The following ZNF423 variants were observed in gnomAD, a reference collection of about 807,000 sequenced individuals.
The protein encoded by ZNF423 is zinc finger protein 423.
Under a neutral mutation model 95.8 loss-of-function variants are expected in ZNF423, and 12 were observed. The observed-to-expected ratio is 0.13, with a 90% CI of 0.08 to 0.20. The LOEUF is 0.20. Among genes scored for constraint, ZNF423 ranks in the 10% least tolerant of loss-of-function variants. The pLI, the probability that ZNF423 is intolerant of heterozygous loss-of-function variation, is 1.00. For missense variants in ZNF423, 1,316 were observed against 1,737.1 expected (o/e 0.76, Z 4.31); for synonymous variants, 749 against 711.9 (o/e 1.05, Z -0.83).
intron 3 of ZNF423, among the ~76,000 whole-genome samples, chr16:49,651,227 T>G (rs1973388986): frequency 6.6e-6 from 1 of 151,014 alleles, no homozygotes; most frequent in African/African-American, 2.4e-5. Flanking sequence ...GGTCTCTCTA[T>G]GTTGCACAGG....
At chr16:49,681,295 C>A (rs1483387641) in intron 3 of ZNF423, among the ~76,000 whole-genome samples, 2 of 152,206 alleles carry the variant, frequency 1.3e-5, no homozygotes, top group Non-Finnish European at 2.9e-5. Context: ...TAAAATCCAA[C>A]AGCATCCAGA....
chr16:49,556,510 A>G (rs1157861544), intron 5 of ZNF423, among the ~76,000 whole-genome samples: 1 of 152,144 alleles, frequency 6.6e-6, no homozygotes, highest in African/African-American at 2.4e-5. Context: ...CCCCCAGTTC[A>G]GTACTTTGCA....
intron 1 of ZNF423, among the ~76,000 whole-genome samples, chr16:49,816,866 A>G (rs765337360): frequency 7.2e-5 from 11 of 152,180 alleles, no homozygotes; most frequent in Non-Finnish European, 1.5e-4. Context: ...GTCCTGGAAA[A>G]ACAAAGTAAT....
Position 49,637,067 on chromosome 16 carries a change from C to G in ZNF423, c.2109G>C (p.Glu703Asp). The G allele has an allele frequency of 6.2e-7, 1 of 1,613,866 alleles. No individual in the cohort carries two copies. The highest frequency in any genetic ancestry group is 8.5e-7 in the Non-Finnish European group (1 of 1,180,032). ...YMTTSTHYVC[E>D]SCDKQFSSVD... ...CCGAGGAAAATTGCTTGTCGCAGCT[C>G]TCGCACACATAGTGGGTCGACGTGG... The change falls in exon 4 of 8, where the codon GAG becomes GAC. Residue 703 changes from glutamate to aspartate, a missense_variant. Physicochemically the swap from Glu to Asp is conservative, Grantham distance 45. Around this residue, in one of 6 missense-constraint regions of ZNF423, gnomAD observed 620 missense variants for 775.6 expected, o/e 0.80. Transcript: ENST00000563137. This position sits in a 1 kb window ranked among gnomAD's most constrained non-coding sequence, Gnocchi z 5.6.
At chr16:49,554,772 C>T (rs1042131658) in intron 5 of ZNF423, among the ~76,000 whole-genome samples, 3 of 151,970 alleles carry the variant, frequency 2.0e-5, no homozygotes, top group Non-Finnish European at 4.4e-5. Flanking sequence ...AAAGATCGCC[C>T]TTAATTCTAC....
At chr16:49,595,486 T>G (rs1971153398) in intron 5 of ZNF423, among the ~76,000 whole-genome samples, 1 of 152,224 alleles carries the variant, frequency 6.6e-6, no homozygotes, top group Non-Finnish European at 1.5e-5. Flanking sequence ...GGGAGAGATC[T>G]GCAACTCATA....
chr16:49,687,203 C>T (rs867058393), intron 3 of ZNF423, among the ~76,000 whole-genome samples: 1 of 152,024 alleles, frequency 6.6e-6, no homozygotes, highest in African/African-American at 2.4e-5. Context: ...ACCAAGAGAC[C>T]CCTGGCTGGG....
chr16:49,829,192 C>T (rs1165744664), intron 1 of ZNF423, among the ~76,000 whole-genome samples: 2 of 152,212 alleles, frequency 1.3e-5, no homozygotes, highest in African/African-American at 4.8e-5. Flanking sequence ...CAACTCTTTC[C>T]ACCTCTGTGT....
intron 3 of ZNF423, among the ~76,000 whole-genome samples, chr16:49,695,418 C>T (rs1185175298): frequency 6.6e-6 from 1 of 152,234 alleles, no homozygotes; most frequent in African/African-American, 2.4e-5. Context: ...TCAGCCTTCC[C>T]AAGTAGCTGG....
At chr16:49,806,363 C>G (rs2034663809) in intron 1 of ZNF423, among the ~76,000 whole-genome samples, 1 of 152,268 alleles carries the variant, frequency 6.6e-6, no homozygotes, top group African/African-American at 2.4e-5. Context: ...GGACCCACAT[C>G]TGCCCAGGTC....
At chr16:49,835,382 C>T (rs1252914155) in intron 1 of ZNF423, among the ~76,000 whole-genome samples, 3 of 152,178 alleles carry the variant, frequency 2.0e-5, no homozygotes, top group Admixed American at 6.5e-5. Flanking sequence ...GCCTCATCAC[C>T]GGGAAGAAGG....
At chr16:49,602,566 A>T (rs1205330930) in intron 5 of ZNF423, among the ~76,000 whole-genome samples, 2 of 152,168 alleles carry the variant, frequency 1.3e-5, no homozygotes, top group Non-Finnish European at 2.9e-5. Context: ...GCAGAAGTGT[A>T]AAACCCGGCA....
chr16:49,739,556 G>C lies in ZNF423; in HGVS notation c.101-8585C>G, dbSNP rs965138158. 4.6e-5 allele frequency among the ~76,000 whole-genome samples: 7 copies of C among 152,222 alleles called. No homozygotes were observed. In the East Asian group the frequency reaches 1.4e-3, roughly 29 times the overall value. ...AGCCACCTCCTCCGTGAAGGGGTGTGATCAGCTTACAACCCACAAGCCCAC... is the reference window on the plus strand; with the variant it reads ...AGCCACCTCCTCCGTGAAGGGGTGTCATCAGCTTACAACCCACAAGCCCAC... On this transcript the variant is annotated intron_variant, in intron 2 of 7. Coordinates refer to ENST00000563137, the MANE Select transcript of ZNF423 (RefSeq NM_001379286.1).
chr16:49,644,810 G>A (rs1248270070), intron 3 of ZNF423, among the ~76,000 whole-genome samples: 2 of 151,996 alleles, frequency 1.3e-5, no homozygotes, highest in Non-Finnish European at 2.9e-5. Context: ...AGGGTCGCCT[G>A]GGTGCATCCC....
intron 3 of ZNF423, among the ~76,000 whole-genome samples, chr16:49,654,646 A>C (rs896900552): frequency 2.0e-5 from 3 of 152,238 alleles, no homozygotes; most frequent in Non-Finnish European, 4.4e-5. Flanking sequence ...GTGTTCTTCC[A>C]AACATGGGCT....
Position 49,492,236 on chromosome 16 carries a change from C to T in ZNF423, c.3850-932G>A, listed in dbSNP as rs1237652168. On this transcript the variant is annotated intron_variant, in intron 7 of 7. Transcript: ENST00000563137. This position sits in a 1 kb window ranked among gnomAD's most constrained non-coding sequence, Gnocchi z 4.2. ...CATCAAAGCCTCAGGTGGTGCTCCA[C>T]CTCATGACACCTGGAGAAAGGAGGC... 6.6e-6 allele frequency among the ~76,000 whole-genome samples: 1 copy of T among 152,220 alleles called. No homozygotes were observed. The highest frequency in any genetic ancestry group is 3.2e-3 in the Middle Eastern group (1 of 316).
At chr16:49,752,875 C>G (rs1394933298) in intron 2 of ZNF423, among the ~76,000 whole-genome samples, 1 of 152,176 alleles carries the variant, frequency 6.6e-6, no homozygotes, top group Admixed American at 6.5e-5. Flanking sequence ...CTGCTGTGTG[C>G]CAGGCAATGT....
intron 3 of ZNF423, among the ~76,000 whole-genome samples, chr16:49,639,899 A>G (rs570618705): frequency 6.6e-4 from 101 of 152,372 alleles, no homozygotes; most frequent in African/African-American, 2.3e-3. Context: ...CACAGGACAC[A>G]GTGAATAAAG....
chr16:49,604,810 TCCTGGGCTGC>T (rs1971483008), intron 5 of ZNF423, among the ~76,000 whole-genome samples: 1 of 151,918 alleles, frequency 6.6e-6, no homozygotes, highest in African/African-American at 2.4e-5. Flanking sequence ...TCCACCCCAT[TCCTGGGCTGC>T]CACGACCACT....
Sources: gnomAD v4.1 joint callset for allele counts (sites outside exome capture counted in the v4.1 genomes callset) on GRCh38, gnomAD v4.1.1 for gene constraint, gnomAD v4.1.1 regional missense constraint, Gnocchi (gnomAD v3.1) non-coding constraint, MANE v1.5 for transcripts, NCBI Gene and HGNC (gene_info 2026-07-23, HGNC 2026-07-21) for gene names.